The following ZFAND5 variants were observed in gnomAD, a reference collection of about 807,000 sequenced individuals.
ZFAND5 encodes the protein AN1-type zinc finger protein 5.
A neutral mutation model predicts 23.6 loss-of-function variants in ZFAND5; 4 were observed. The observed-to-expected ratio is 0.17, with a 90% CI of 0.08 to 0.39. The LOEUF (loss-of-function observed/expected upper bound fraction) is 0.39. Ranked by LOEUF, ZFAND5 falls within the 10% of genes least tolerant of loss-of-function variation. The pLI is 1.00. For missense variants in ZFAND5, 161 were observed against 253.7 expected (o/e 0.63, Z 2.48); for synonymous variants, 68 against 80.6 (o/e 0.84, Z 0.84).
chr9:72,364,229 C>T (rs1324193703), intron 1 of ZFAND5: 2 of 327,428 alleles, frequency 6.1e-6, no homozygotes, highest in Non-Finnish European at 1.1e-5. Context: ...CTCAGCAGGC[C>T]CGGCCAGCCC....
In ZFAND5 at chr9:72,359,453, T is replaced by C; in HGVS notation, c.332A>G (p.Lys111Arg). 6.2e-7 allele frequency: 1 copy of C among 1,613,674 alleles called. No individual in the cohort carries two copies. The highest frequency in any genetic ancestry group is 8.5e-7 in the Non-Finnish European group (1 of 1,179,706). The change falls in exon 5 of 7, where the codon AAA becomes AGA. Residue 111 changes from lysine to arginine, a missense_variant. Transcript: ENST00000376962. ...MTEMSISREDKITTPKTEVSE... is the reference protein window; with the variant it reads ...MTEMSISREDRITTPKTEVSE... ...CACCTCTGTTTTCGGGGTAGTTATTTTGTCCTCTCTTGAAATGCTCATTTC... is the reference window on the plus strand; with the variant it reads ...CACCTCTGTTTTCGGGGTAGTTATTCTGTCCTCTCTTGAAATGCTCATTTC...
Position 72,360,091 on chromosome 9 carries a change from C to G in ZFAND5, c.263+19G>C, listed in dbSNP as rs145539714. 3.5e-3 allele frequency: 5,587 copies of G among 1,596,200 alleles called. 12 individuals carry two copies. The highest frequency in any genetic ancestry group is 4.0e-3 in the Non-Finnish European group (4,630 of 1,169,160). On this transcript the variant is annotated intron_variant, in intron 4 of 6. Transcript: ENST00000376962. ...TCTTCTTTGTAATATCATAAAAACT[C>G]TGAAACGTTCAATCTTACCTTGATT...
intron 1 of ZFAND5, 154 bp downstream of exon 1, chr9:72,364,542 C>T (rs1423068485): frequency 2.3e-6 from 3 of 1,276,802 alleles, no homozygotes; most frequent in Admixed American, 4.7e-5. Context: ...CTTTGTGCTT[C>T]CTGGGCTGGC....
At chr9:72,357,941 CAA>C (rs1391309697) in intron 5 of ZFAND5, among the ~76,000 whole-genome samples, 2 of 152,110 alleles carry the variant, frequency 1.3e-5, no homozygotes, top group Non-Finnish European at 2.9e-5. Flanking sequence ...ACAAAAATAA[CAA>C]AATTTATATC....
At chr9:72,363,764 G>C in intron 1 of ZFAND5, 158 bp from the exon 2 acceptor site, 1 of 491,422 alleles carries the variant, frequency 2.0e-6, no homozygotes, top group Non-Finnish European at 2.6e-6. Flanking sequence ...TAAAAATAAG[G>C]AATAAAATAC....
chr9:72,353,986 T>C lies in ZFAND5; in HGVS notation c.*1967A>G, dbSNP rs1418154245. On this transcript the variant is annotated 3_prime_UTR_variant, in exon 7 of 7. Transcript: ENST00000376962. ...GCAACAGTTGCACTCTGGTAATCATTTACCCCAGGTAAAGTCAACATGTAC... is the reference window on the plus strand; with the variant it reads ...GCAACAGTTGCACTCTGGTAATCATCTACCCCAGGTAAAGTCAACATGTAC... 1 of 152,146 alleles carries C rather than the reference T, an allele frequency of 6.6e-6. No individual in the cohort carries two copies. The highest frequency in any genetic ancestry group is 1.5e-5 in the Non-Finnish European group (1 of 68,030). The allele number at this position is 152,146 out of a possible 1,614,324, so 9.4% of individuals were successfully genotyped here. A position where few individuals can be genotyped will look rare whatever the true frequency, so the allele number is the denominator to read the frequency against.
Position 72,352,805 on chromosome 9 carries a change from G to T in ZFAND5, c.*3148C>A, listed in dbSNP as rs1841812042. ...TAGCAAATACAATGTGCCAGGCACA[G>T]TTTTAAGTGTTGTCACCTTCACACT... On this transcript the variant is annotated 3_prime_UTR_variant, in exon 7 of 7. Coordinates refer to ENST00000376962, the MANE Select transcript of ZFAND5 (RefSeq NM_001102420.3). 6.6e-6 allele frequency: 1 copy of T among 152,240 alleles called. No homozygotes were observed. Among genetic ancestry groups the T allele is most frequent in the African/African-American group, 2.4e-5 (1 of 41,468 alleles). The allele number at this position is 152,240 out of a possible 1,614,324, so 9.4% of individuals were successfully genotyped here.
chr9:72,354,981 TGTTG>T lies in ZFAND5; in HGVS notation c.*968_*971del, dbSNP rs1222150673. 6.6e-6 allele frequency: 1 copy of T among 152,620 alleles called. No homozygotes were observed. Among genetic ancestry groups the T allele is most frequent in the Non-Finnish European group, 1.5e-5 (1 of 68,038 alleles). The allele number at this position is 152,620 out of a possible 1,614,324, so 9.5% of individuals were successfully genotyped here. A position where few individuals can be genotyped will look rare whatever the true frequency, so the allele number is the denominator to read the frequency against. ...ACCACTAAGAAGTCTACTGCAGCCA[TGTTG>T]GTTATGATTTTCCATGCAGAAGGGT... is the stretch of plus-strand genomic sequence containing the variant. On this transcript the variant is annotated 3_prime_UTR_variant, in exon 7 of 7. Transcript: ENST00000376962.
In ZFAND5 at chr9:72,355,739, T is replaced by TC. The variant is rs1298994828; in HGVS notation, c.*213dup. 4.3e-5 allele frequency: 16 copies of TC among 375,562 alleles called. No homozygotes were observed. Among genetic ancestry groups the TC allele is most frequent in the African/African-American group, 3.1e-4 (15 of 47,964 alleles). The allele number at this position is 375,562 out of a possible 1,614,324, so 23.3% of individuals were successfully genotyped here. ...TGTGCAGATTTTCATCCAATTTTTT[T>TC]CAGGGGAGGGCATATACATTTGTAG... On this transcript the variant is annotated 3_prime_UTR_variant, in exon 7 of 7. Coordinates refer to ENST00000376962, the MANE Select transcript of ZFAND5 (RefSeq NM_001102420.3).
At chr9:72,361,748 T>C (rs375953254) in intron 2 of ZFAND5, among the ~76,000 whole-genome samples, 2 of 152,366 alleles carry the variant, frequency 1.3e-5, no homozygotes, top group African/African-American at 4.8e-5. Flanking sequence ...ATTAATAAGT[T>C]TTCCTCTGGA....
intron 5 of ZFAND5, among the ~76,000 whole-genome samples, chr9:72,358,188 T>TG (rs1216946285): frequency 6.6e-6 from 1 of 152,128 alleles, no homozygotes; most frequent in Non-Finnish European, 1.5e-5. Context: ...ATGAATCTAC[T>TG]GGGAGAAATA....
chr9:72,356,809 TACA>T, intron 6 of ZFAND5, 119 bp downstream of exon 6: 1 of 1,250,678 alleles, frequency 8.0e-7, no homozygotes, highest in Non-Finnish European at 1.1e-6. Context: ...TTTCCTAGAC[TACA>T]GCTAGTCAGG....
In ZFAND5 at chr9:72,353,827, G is replaced by C. The variant is rs368388895; in HGVS notation, c.*2126C>G. 1 of 152,100 alleles carries C rather than the reference G, an allele frequency of 6.6e-6. No individual in the cohort carries two copies. Among genetic ancestry groups the C allele is most frequent in the Non-Finnish European group, 1.5e-5 (1 of 68,022 alleles). 9.4% of individuals were successfully genotyped at this position (152,100 alleles called of 1,614,324 possible). A position where few individuals can be genotyped will look rare whatever the true frequency, so the allele number is the denominator to read the frequency against. Reference sequence around the variant, plus strand: ...TCAATTGTGACTTTTCATATTCAGAGAAATACTACCCTATGTCAGTATAGG... The same window carrying C: ...TCAATTGTGACTTTTCATATTCAGACAAATACTACCCTATGTCAGTATAGG... On this transcript the variant is annotated 3_prime_UTR_variant, in exon 7 of 7. Coordinates refer to ENST00000376962, the MANE Select transcript of ZFAND5 (RefSeq NM_001102420.3).
In ZFAND5 at chr9:72,354,759, T is replaced by C. The variant is rs1841889423; in HGVS notation, c.*1194A>G. The C allele has an allele frequency of 6.6e-6, 1 of 152,642 alleles. No individual in the cohort carries two copies. The highest frequency in any genetic ancestry group is 1.5e-5 in the Non-Finnish European group (1 of 68,052). The allele number at this position is 152,642 out of a possible 1,614,324, so 9.5% of individuals were successfully genotyped here. On this transcript the variant is annotated 3_prime_UTR_variant, in exon 7 of 7. Coordinates refer to ENST00000376962, the MANE Select transcript of ZFAND5 (RefSeq NM_001102420.3). ...CATTTATATATAAAAAACACAAGTT[T>C]CATACATCACAAAAAACCTTCCATT...
In ZFAND5 at chr9:72,355,950, A is replaced by C; in HGVS notation, c.*3T>G. 1 of 1,600,526 alleles carries C rather than the reference A, an allele frequency of 6.2e-7. No homozygotes were observed. The highest frequency in any genetic ancestry group is 1.1e-5 in the South Asian group (1 of 89,274). ...AAGTTTCAGTCTCTTCACAAGAAGT[A>C]ATTTATATTCTCTGAATTTTTTCAG... On this transcript the variant is annotated 3_prime_UTR_variant, in exon 7 of 7. Transcript: ENST00000376962.
chr9:72,363,287 G>A (rs1842156505), intron 2 of ZFAND5, among the ~76,000 whole-genome samples, 183 bp downstream of exon 2: 1 of 152,146 alleles, frequency 6.6e-6, no homozygotes, highest in Non-Finnish European at 1.5e-5. Flanking sequence ...AGCTCTATCA[G>A]GTATAGCTAG....
At chr9:72,364,313 A>AG (rs1464241670) in intron 1 of ZFAND5, 78 of 788,646 alleles carry the variant, frequency 9.9e-5, no homozygotes, top group Non-Finnish European at 1.1e-4. Context: ...GGGGAGAGCT[A>AG]GGGGGGGCTG....
chr9:72,354,238 A>C lies in ZFAND5; in HGVS notation c.*1715T>G, dbSNP rs1372988171. On this transcript the variant is annotated 3_prime_UTR_variant, in exon 7 of 7. Transcript: ENST00000376962. The stretch of plus-strand genomic sequence containing the variant: ...TCAAATTTCATCTTTCTCAAATTTT[A>C]AAATTGTTTTAATCCCAAAGGTGCC... 1 of 152,246 alleles carries C rather than the reference A, an allele frequency of 6.6e-6. No homozygotes were observed. Among genetic ancestry groups the C allele is most frequent in the African/African-American group, 2.4e-5 (1 of 41,460 alleles). 9.4% of individuals were successfully genotyped at this position (152,246 alleles called of 1,614,324 possible). A position where few individuals can be genotyped will look rare whatever the true frequency, so the allele number is the denominator to read the frequency against.
chr9:72,361,739 TTAA>T (rs757953737), intron 2 of ZFAND5, among the ~76,000 whole-genome samples: 11 of 152,262 alleles, frequency 7.2e-5, no homozygotes, highest in Non-Finnish European at 1.3e-4. Flanking sequence ...TGCTAAATTA[TTAA>T]TAAGTTTTCC....
Sources: allele counts gnomAD v4.1 joint callset (sites outside exome capture counted in the v4.1 genomes callset), GRCh38; gene constraint gnomAD v4.1.1; transcripts MANE v1.5; gene names NCBI Gene and HGNC (gene_info 2026-07-23, HGNC 2026-07-21).